Variants in TIGAR observed in about 807,000 individuals in gnomAD.
TIGAR encodes the protein fructose-2,6-bisphosphatase TIGAR.
TIGAR carries 7 observed loss-of-function variants against 17.9 expected under a neutral mutation model. The ratio of observed to expected loss-of-function variants is 0.39; its 90% CI spans 0.22 to 0.73. The LOEUF is 0.73. Among genes scored for constraint, TIGAR ranks in the 30% least tolerant of loss-of-function variants. The pLI is 0.42. For missense variants in TIGAR, 258 were observed against 327.4 expected, an observed-to-expected ratio of 0.79 and a Z score of 1.64; for synonymous variants, 94 against 108.6, an observed-to-expected ratio of 0.87 and a Z score of 0.84.
intron 3 of TIGAR, 69 bp from the exon 4 acceptor site, chr12:4,349,750 T>C: frequency 6.2e-6 from 8 of 1,294,790 alleles, no homozygotes; most frequent in Non-Finnish European, 8.7e-6. Context: ...ATGACATAGA[T>C]TCTTTCAGTG....
chr12:4,324,334 T>C, intron 1 of TIGAR: 1 of 745,392 alleles, frequency 1.3e-6, no homozygotes, highest in African/African-American at 1.8e-5. Context: ...TTTTTTTTTT[T>C]TTTTTTGGAA....
chr12:4,332,847 C>G (rs1474468988), intron 2 of TIGAR, among the ~76,000 whole-genome samples: 3 of 152,158 alleles, frequency 2.0e-5, no homozygotes, highest in African/African-American at 4.8e-5. Flanking sequence ...AAATCTTACA[C>G]ACTTTATTAG....
intron 3 of TIGAR, among the ~76,000 whole-genome samples, chr12:4,340,938 A>G (rs1171946729): frequency 6.6e-6 from 1 of 152,236 alleles, no homozygotes; most frequent in Non-Finnish European, 1.5e-5. Context: ...TGAAACTACT[A>G]CAAGAAAACA....
At chr12:4,322,998 G>C (rs1268058925) in intron 1 of TIGAR, among the ~76,000 whole-genome samples, 1 of 151,626 alleles carries the variant, frequency 6.6e-6, no homozygotes, top group African/African-American at 2.4e-5. Flanking sequence ...CATCAAGGTG[G>C]TTCACCCCTG....
At chr12:4,332,346 G>A (rs1053990296) in intron 2 of TIGAR, among the ~76,000 whole-genome samples, 15 of 144,838 alleles carry the variant, frequency 1.0e-4, no homozygotes, top group Non-Finnish European at 2.2e-4. Context: ...AGGTTCAAGC[G>A]ATTTCTCATG....
At chr12:4,324,810 A>G in intron 1 of TIGAR, 3 of 584,320 alleles carry the variant, frequency 5.1e-6, no homozygotes, top group South Asian at 2.1e-5. Flanking sequence ...TACCTCGGCC[A>G]TCTTGTCGGA....
chr12:4,356,850 G>A lies in TIGAR; in HGVS notation c.*4159G>A, dbSNP rs1228540431. Among the ~76,000 whole-genome samples, 3 of 152,154 alleles carry A rather than the reference G, an allele frequency of 2.0e-5. No individual in the cohort carries two copies. The highest frequency in any genetic ancestry group is 4.4e-5 in the Non-Finnish European group (3 of 68,036). ...CTTCACCCCAGGCTCGCAGCTTCAAGCAGAGCCTGTCGCTTAGGCTCCCTT... is the reference window on the plus strand; with the variant it reads ...CTTCACCCCAGGCTCGCAGCTTCAAACAGAGCCTGTCGCTTAGGCTCCCTT... On this transcript the variant is annotated 3_prime_UTR_variant, in exon 6 of 6. Transcript: ENST00000179259.
rs532332080 is a variant in TIGAR at position 4,357,019 on chromosome 12, G to A, written c.*4328G>A. The stretch of plus-strand genomic sequence containing the variant: ...TTTAACTAAAAACCTGTTTTAGTTA[G>A]CATCTTTATTCTAATTTCTTTAAAT... On this transcript the variant is annotated 3_prime_UTR_variant, in exon 6 of 6. Transcript: ENST00000179259. 4.3e-4 allele frequency among the ~76,000 whole-genome samples: 65 copies of A among 152,214 alleles called. No homozygotes were observed. The South Asian group carries it at 0.013, about 31-fold the overall frequency.
intron 3 of TIGAR, among the ~76,000 whole-genome samples, chr12:4,345,571 A>G (rs1264450871): frequency 1.3e-5 from 2 of 152,248 alleles, no homozygotes; most frequent in African/African-American, 4.8e-5. Flanking sequence ...GAAAGCTGAA[A>G]CTGGATCCCT....
intron 1 of TIGAR, among the ~76,000 whole-genome samples, chr12:4,328,243 G>A (rs1864567588): frequency 6.6e-6 from 1 of 151,790 alleles, no homozygotes. Flanking sequence ...CCAGGCTGGA[G>A]TGCAATGGCA....
chr12:4,357,899 A>T lies in TIGAR; in HGVS notation c.*5208A>T, dbSNP rs920067194. On this transcript the variant is annotated 3_prime_UTR_variant, in exon 6 of 6. Transcript: ENST00000179259. ...CGGGCAGATCACGAGGTCAGGAGATAGAGACCATCCTGGCTAACACAGTGA... is the reference window on the plus strand; with the variant it reads ...CGGGCAGATCACGAGGTCAGGAGATTGAGACCATCCTGGCTAACACAGTGA... Among the ~76,000 whole-genome samples the T allele has an allele frequency of 8.6e-5, 13 of 151,358 alleles. No homozygotes were observed. Among genetic ancestry groups the T allele is most frequent in the Admixed American group, 5.9e-4 (9 of 15,228 alleles).
At chr12:4,344,668 T>A (rs1418536231) in intron 3 of TIGAR, among the ~76,000 whole-genome samples, 2 of 152,144 alleles carry the variant, frequency 1.3e-5, no homozygotes, top group Non-Finnish European at 2.9e-5. Flanking sequence ...TTTGACAAAA[T>A]TCAACAGCCC....
chr12:4,331,375 G>A (rs1438308221), intron 2 of TIGAR, 58 bp downstream of exon 2: 9 of 1,548,808 alleles, frequency 5.8e-6, no homozygotes, highest in South Asian at 4.5e-5. Context: ...AGATGTGTGA[G>A]TTAAGCAGAT....
At position 4,321,998 on chromosome 12, in the gene TIGAR, A is replaced by AT. The variant is rs111676645; in HGVS notation, c.32+708dup. ...GTTAAGAGCACAGATTTTTATTTTT[A>AT]TTTTTTTTTTTTTGTGAGATGGAGC... On this transcript the variant is annotated intron_variant, in intron 1 of 5. Transcript: ENST00000179259. This position sits in a 1 kb window ranked among gnomAD's most constrained non-coding sequence, Gnocchi z 5.2. Among the ~76,000 whole-genome samples the AT allele has an allele frequency of 2.6e-3, 298 of 114,070 alleles. No homozygotes were observed. Among genetic ancestry groups the AT allele is most frequent in the South Asian group, 9.2e-3 (31 of 3,368 alleles). 74.8% of individuals were successfully genotyped at this position (114,070 alleles called of 152,430 possible). A position where few individuals can be genotyped will look rare whatever the true frequency, so the allele number is the denominator to read the frequency against.
intron 3 of TIGAR, among the ~76,000 whole-genome samples, chr12:4,345,900 A>G (rs1284210435): frequency 6.6e-6 from 1 of 152,238 alleles, no homozygotes; most frequent in Non-Finnish European, 1.5e-5. Flanking sequence ...AAAGAACTCA[A>G]ACAAATTTGC....
Position 4,351,372 on chromosome 12 carries a change from G to T in TIGAR, c.376G>T (p.Asp126Tyr). The change falls in exon 5 of 6, where the codon GAC (aspartate) becomes TAC (tyrosine). Residue 126 changes from aspartate to tyrosine, a missense_variant. Asp to Tyr is a radical substitution (Grantham distance 160). Coordinates refer to ENST00000179259, the MANE Select transcript of TIGAR (RefSeq NM_020375.3). ...VFTPPGGETL[D>Y]QVKMRGIDFF... ...TACACCGCCCGGAGGAGAGACGCTGGACCAGGTATGTGGCGCTGCCGATGT... is the reference window on the plus strand; with the variant it reads ...TACACCGCCCGGAGGAGAGACGCTGTACCAGGTATGTGGCGCTGCCGATGT... 6.2e-7 allele frequency: 1 copy of T among 1,613,782 alleles called. No homozygotes were observed. The highest frequency in any genetic ancestry group is 1.1e-5 in the South Asian group (1 of 91,044).
intron 2 of TIGAR, among the ~76,000 whole-genome samples, chr12:4,335,297 A>G (rs1864646128): frequency 6.6e-6 from 1 of 151,916 alleles, no homozygotes; most frequent in African/African-American, 2.4e-5. Flanking sequence ...TCAGCCTCCC[A>G]AAGTGCTGGG....
intron 3 of TIGAR, among the ~76,000 whole-genome samples, chr12:4,342,306 C>T (rs1864731988): frequency 6.6e-6 from 1 of 152,196 alleles, no homozygotes; most frequent in Non-Finnish European, 1.5e-5. Flanking sequence ...AGTTGGAAAA[C>T]ACTCTGCAGC....
rs145872753 is a variant in TIGAR, at chr12:4,337,385, C to G, written c.192+225C>G. ...TTTGCCATGTTGCTGGTCTCAAACCCCTAACCTCAGGTGATCCACTTGCCT... is the reference window on the plus strand; with the variant it reads ...TTTGCCATGTTGCTGGTCTCAAACCGCTAACCTCAGGTGATCCACTTGCCT... On this transcript the variant is annotated intron_variant, in intron 3 of 5. Transcript: ENST00000179259. Among the ~76,000 whole-genome samples, 411 of 152,250 alleles carry G rather than the reference C, an allele frequency of 2.7e-3. 1 individual carries two copies. The highest frequency in any genetic ancestry group is 4.7e-3 in the Non-Finnish European group (322 of 68,010).
Sources: allele counts gnomAD v4.1 joint callset (sites outside exome capture counted in the v4.1 genomes callset), GRCh38; gene constraint gnomAD v4.1.1; non-coding constraint Gnocchi (gnomAD v3.1); transcripts MANE v1.5; gene names NCBI Gene and HGNC (gene_info 2026-07-23, HGNC 2026-07-21).